Variants in SLC44A5 observed in about 807,000 individuals in gnomAD.
SLC44A5 encodes the protein choline transporter-like protein 5.
SLC44A5 carries 57 observed loss-of-function variants against 101.8 expected under a neutral mutation model. The ratio of observed to expected loss-of-function variants is 0.56; its 90% CI spans 0.45 to 0.70. The LOEUF (loss-of-function observed/expected upper bound fraction) is 0.70, where lower values mean the gene tolerates loss of function less well. Ranked by LOEUF, SLC44A5 falls within the 30% of genes least tolerant of loss-of-function variation. The pLI, the probability that SLC44A5 is intolerant of heterozygous loss-of-function variation, is 0.00. For synonymous variants in SLC44A5, 281 were observed against 290.9 expected, an observed-to-expected ratio of 0.97 and a Z score of 0.35; for missense variants, 737 against 853.1, an observed-to-expected ratio of 0.86 and a Z score of 1.70.
intron 3 of SLC44A5, among the ~76,000 whole-genome samples, chr1:75,347,685 A>AGTGTGTGTGT (rs10677527): frequency 3.1e-4 from 46 of 148,048 alleles, no homozygotes; most frequent in African/African-American, 1.1e-3. Context: ...AGTGGTGGTG[A>AGTGTGTGTGT]GTGTGTGTGT....
the SLC44A5 span, among the ~76,000 whole-genome samples, chr1:75,617,203 C>T: frequency 6.6e-6 from 1 of 152,026 alleles, no homozygotes; most frequent in African/African-American, 2.4e-5. Context: ...CTGAGATTGC[C>T]GCCGAAACGC....
intron 1 of SLC44A5, among the ~76,000 whole-genome samples, chr1:75,552,932 G>A (rs2101985512): frequency 6.6e-6 from 1 of 152,142 alleles, no homozygotes; most frequent in Non-Finnish European, 1.5e-5. Flanking sequence ...TTTAAAGAAT[G>A]AGGGAGGTTT....
intron 2 of SLC44A5, among the ~76,000 whole-genome samples, chr1:75,464,221 CAAAAAA>C (rs57630961): frequency 1.9e-5 from 1 of 52,234 alleles, no homozygotes; most frequent in Non-Finnish European, 3.7e-5. Flanking sequence ...GACTCTGTCT[CAAAAAA>C]AAAAAAAAAA....
At chr1:75,717,910 A>G in the SLC44A5 span, among the ~76,000 whole-genome samples, 1 of 152,158 alleles carries the variant, frequency 6.6e-6, no homozygotes, top group Non-Finnish European at 1.5e-5. Flanking sequence ...CAATTGCCTG[A>G]GGTAATGTTG....
chr1:75,236,856 G>T (rs1648128239), intron 11 of SLC44A5, 131 bp downstream of exon 11: 1 of 514,650 alleles, frequency 1.9e-6, no homozygotes, highest in East Asian at 2.8e-5. Context: ...ACTGACATCT[G>T]AGTGAAATTT....
intron 2 of SLC44A5, among the ~76,000 whole-genome samples, chr1:75,529,077 A>G (rs577235346): frequency 6.6e-6 from 1 of 152,318 alleles, no homozygotes; most frequent in South Asian, 2.1e-4. Context: ...TAGGATGGTA[A>G]TGACAAATAT....
At chr1:75,388,947 T>C (rs148131081) in intron 3 of SLC44A5, among the ~76,000 whole-genome samples, 12 of 152,144 alleles carry the variant, frequency 7.9e-5, no homozygotes, top group African/African-American at 2.9e-4. Context: ...ACAACACCTA[T>C]AGGCTCATTG....
intron 2 of SLC44A5, among the ~76,000 whole-genome samples, chr1:75,477,386 C>T (rs190640445): frequency 4.7e-4 from 72 of 152,286 alleles, no homozygotes; most frequent in Non-Finnish European, 6.9e-4. Context: ...TCACCAGCAA[C>T]GGAACAAAGC....
At chr1:75,686,581 G>A in the SLC44A5 span, among the ~76,000 whole-genome samples, 123 of 152,350 alleles carry the variant, frequency 8.1e-4, no homozygotes, top group African/African-American at 2.7e-3. Context: ...GTCAGATGTT[G>A]CAGGATCACA....
At chr1:75,340,174 A>G (rs1370984744) in intron 3 of SLC44A5, among the ~76,000 whole-genome samples, 1 of 152,158 alleles carries the variant, frequency 6.6e-6, no homozygotes, top group Non-Finnish European at 1.5e-5. Context: ...AGTTTTTTCA[A>G]TCTACTGGCA....
the SLC44A5 span, among the ~76,000 whole-genome samples, chr1:75,697,854 C>G: frequency 6.6e-6 from 1 of 152,208 alleles, no homozygotes; most frequent in East Asian, 1.9e-4. Flanking sequence ...CGCAAGGGGT[C>G]ACGGAGTTCC....
the SLC44A5 span, among the ~76,000 whole-genome samples, chr1:75,712,972 C>G: frequency 6.6e-6 from 1 of 152,100 alleles, no homozygotes; most frequent in Non-Finnish European, 1.5e-5. Context: ...TACAGTAATC[C>G]TGCTATGTAC....
chr1:75,673,338 A>C, the SLC44A5 span, among the ~76,000 whole-genome samples: 1 of 151,848 alleles, frequency 6.6e-6, no homozygotes, highest in African/African-American at 2.4e-5. Context: ...CTGCTTGAGG[A>C]AGGGGGAGGA....
intron 3 of SLC44A5, among the ~76,000 whole-genome samples, chr1:75,372,463 C>T (rs993924774): frequency 3.3e-5 from 5 of 152,006 alleles, no homozygotes; most frequent in Non-Finnish European, 7.4e-5. Context: ...TACAACTTTA[C>T]CCAAGCAAAA....
rs371519548 is a variant in SLC44A5 at position 75,479,372 on chromosome 1, A to G, written c.13+62063T>C. Among the ~76,000 whole-genome samples, 6 of 152,076 alleles carry G rather than the reference A, an allele frequency of 3.9e-5. No individual in the cohort carries two copies. In the South Asian group the frequency reaches 6.2e-4, roughly 16 times the overall value. On this transcript the variant is annotated intron_variant, in intron 2 of 23. Transcript: ENST00000370859. ...AAAGCAAGAGCAAACACATTCAAAA[A>G]CTAGCAGAAGGCAAGAAATAACTAA...
chr1:75,234,363 A>G (rs944375445), intron 11 of SLC44A5, among the ~76,000 whole-genome samples: 8 of 152,102 alleles, frequency 5.3e-5, no homozygotes, highest in African/African-American at 1.9e-4. Context: ...GTCATTGTTC[A>G]AGGAAAAATA....
chr1:75,396,447 A>G, intron 3 of SLC44A5, 136 bp downstream of exon 3: 1 of 738,678 alleles, frequency 1.4e-6, no homozygotes, highest in South Asian at 1.9e-5. Flanking sequence ...AAGAATCCAA[A>G]AAAAGCTTCA....
chr1:75,707,420 G>A, the SLC44A5 span, among the ~76,000 whole-genome samples: 1 of 152,034 alleles, frequency 6.6e-6, no homozygotes, highest in East Asian at 1.9e-4. Context: ...ATGATCAAAC[G>A]TCAGTTCCTG....
the SLC44A5 span, among the ~76,000 whole-genome samples, chr1:75,632,130 C>T: frequency 6.6e-6 from 1 of 152,130 alleles, no homozygotes; most frequent in East Asian, 1.9e-4. Flanking sequence ...GAAGAATTCC[C>T]TTCTATTTCA....
Sources: allele counts gnomAD v4.1 joint callset (sites outside exome capture counted in the v4.1 genomes callset), GRCh38; gene constraint gnomAD v4.1.1; transcripts MANE v1.5; gene names NCBI Gene and HGNC (gene_info 2026-07-23, HGNC 2026-07-21).